Variants in DNM3 observed in about 807,000 individuals in gnomAD.
The protein encoded by DNM3 is dynamin-3.
In DNM3, 47 loss-of-function variants were observed where a neutral mutation model predicts 101.6. The observed-to-expected ratio is 0.46, with a 90% CI of 0.37 to 0.59. The LOEUF is 0.59. Among genes scored for constraint, DNM3 ranks in the 20% least tolerant of loss-of-function variants. DNM3 has a pLI of 0.00. For missense variants in DNM3, 849 were observed against 1,085.7 expected, an observed-to-expected ratio of 0.78 and a Z score of 3.06; for synonymous variants, 385 against 387.9, an observed-to-expected ratio of 0.99 and a Z score of 0.09.
intron 14 of DNM3, among the ~76,000 whole-genome samples, chr1:172,226,139 G>A (rs949709736): frequency 7.4e-4 from 112 of 152,110 alleles, no homozygotes; most frequent in African/African-American, 2.6e-3. Context: ...TAAATTCATA[G>A]AAAAGAAAAT....
intron 4 of DNM3, among the ~76,000 whole-genome samples, chr1:172,025,956 T>C (rs2125772302): frequency 1.3e-5 from 2 of 151,938 alleles, no homozygotes; most frequent in East Asian, 3.9e-4. Context: ...GGAGAATGAG[T>C]TTGATGAATT....
At chr1:171,985,851 G>A (rs2045213950) in intron 2 of DNM3, among the ~76,000 whole-genome samples, 1 of 152,276 alleles carries the variant, frequency 6.6e-6, no homozygotes, top group African/African-American at 2.4e-5. Flanking sequence ...CCTGAGTGGT[G>A]ATGTGACAAA....
intron 4 of DNM3, among the ~76,000 whole-genome samples, chr1:171,998,854 A>G (rs191531452): frequency 3.7e-4 from 56 of 152,222 alleles, no homozygotes; most frequent in Middle Eastern, 6.8e-3. Flanking sequence ...CAAAGGGGAC[A>G]GTAAGCACAA....
At chr1:172,085,355 G>A (rs188866741) in intron 12 of DNM3, among the ~76,000 whole-genome samples, 22 of 151,700 alleles carry the variant, frequency 1.5e-4, no homozygotes, top group Non-Finnish European at 1.5e-4. Context: ...ACTTCCCCTC[G>A]TCCTCAGTAA....
At chr1:172,198,134 G>T (rs2060021820) in intron 14 of DNM3, among the ~76,000 whole-genome samples, 1 of 151,952 alleles carries the variant, frequency 6.6e-6, no homozygotes, top group African/African-American at 2.4e-5. Context: ...TGAATTTTAT[G>T]TAAAGCCCTT....
intron 4 of DNM3, among the ~76,000 whole-genome samples, chr1:171,990,276 C>A (rs1237218204): frequency 2.0e-5 from 3 of 152,094 alleles, no homozygotes; most frequent in Non-Finnish European, 4.4e-5. Context: ...TCTTTTGCCG[C>A]TTGTTCGTGC....
chr1:172,137,521 G>T (rs1285797131), intron 14 of DNM3: 1 of 152,148 alleles, frequency 6.6e-6, no homozygotes, highest in Non-Finnish European at 1.5e-5. Context: ...AAATATCATT[G>T]TCAGAAAATT....
intron 1 of DNM3, among the ~76,000 whole-genome samples, chr1:171,844,354 A>G (rs1455098581): frequency 6.6e-6 from 1 of 152,242 alleles, no homozygotes; most frequent in African/African-American, 2.4e-5. Context: ...GAATGCAGCC[A>G]TAAAAACCAA....
At chr1:172,016,099 A>G (rs1364254733) in intron 4 of DNM3, among the ~76,000 whole-genome samples, 2 of 151,824 alleles carry the variant, frequency 1.3e-5, no homozygotes, top group African/African-American at 4.8e-5. Flanking sequence ...AGGCAGGAGA[A>G]TCACTTGAAC....
At chr1:172,147,438 C>T (rs2057955641) in intron 14 of DNM3, among the ~76,000 whole-genome samples, 1 of 152,046 alleles carries the variant, frequency 6.6e-6, no homozygotes, top group South Asian at 2.1e-4. Context: ...TTGCTTATTT[C>T]AAAAGTTGTT....
At chr1:171,982,843 A>G (rs762343703) in intron 2 of DNM3, among the ~76,000 whole-genome samples, 3 of 152,200 alleles carry the variant, frequency 2.0e-5, no homozygotes, top group Non-Finnish European at 4.4e-5. Flanking sequence ...ATCAATCTCT[A>G]CAGTCCCCTG....
chr1:171,947,092 G>A (rs930524194), intron 2 of DNM3, among the ~76,000 whole-genome samples: 5 of 152,316 alleles, frequency 3.3e-5, no homozygotes, highest in East Asian at 1.9e-4. Context: ...TGAACTGTCC[G>A]TTACATATTC....
At chr1:172,190,853 TG>T (rs1286468740) in intron 14 of DNM3, among the ~76,000 whole-genome samples, 1 of 152,252 alleles carries the variant, frequency 6.6e-6, no homozygotes, top group Non-Finnish European at 1.5e-5. Context: ...GCCCACTTTT[TG>T]ATGGGATTGT....
At chr1:172,175,646 T>C (rs1247830241) in intron 14 of DNM3, among the ~76,000 whole-genome samples, 1 of 151,728 alleles carries the variant, frequency 6.6e-6, no homozygotes, top group African/African-American at 2.4e-5. Flanking sequence ...TAGCAAGAAA[T>C]AAAATTTTGT....
chr1:171,867,688 G>C (rs2034892082), intron 1 of DNM3, among the ~76,000 whole-genome samples: 1 of 151,952 alleles, frequency 6.6e-6, no homozygotes, highest in Admixed American at 6.6e-5. Context: ...ATCCACTTTG[G>C]ACATTTTTAA....
At chr1:172,324,481 C>A (rs891657589) in intron 17 of DNM3, among the ~76,000 whole-genome samples, 2 of 151,978 alleles carry the variant, frequency 1.3e-5, no homozygotes, top group African/African-American at 4.8e-5. Flanking sequence ...CTGCTTATAA[C>A]CCAAGTAATA....
intron 1 of DNM3, among the ~76,000 whole-genome samples, chr1:171,888,641 G>A (rs138438562): frequency 1.1e-3 from 171 of 152,300 alleles, no homozygotes; most frequent in African/African-American, 4.0e-3. Flanking sequence ...GTGTGGATGT[G>A]TTAGCATGAA....
intron 1 of DNM3, among the ~76,000 whole-genome samples, chr1:171,883,412 CACCCT>C (rs1278664931): frequency 0.28 from 29,947 of 107,908 alleles, 3,591 homozygotes; most frequent in Non-Finnish European, 0.31. Context: ...CACACACACA[CACCCT>C]GTCAGAATGA....
At chr1:172,250,811 G>C (rs1440386486) in intron 14 of DNM3, among the ~76,000 whole-genome samples, 1 of 152,084 alleles carries the variant, frequency 6.6e-6, no homozygotes, top group African/African-American at 2.4e-5. Context: ...TTGGATGGAT[G>C]AGAGGAAGGA....
Sources: gnomAD v4.1 joint callset for allele counts (sites outside exome capture counted in the v4.1 genomes callset) on GRCh38, gnomAD v4.1.1 for gene constraint, MANE v1.5 for transcripts, NCBI Gene and HGNC (gene_info 2026-07-23, HGNC 2026-07-21) for gene names.